The following C8orf88 variants were observed in gnomAD, a reference collection of about 807,000 sequenced individuals.
The protein encoded by C8orf88 is uncharacterized protein C8orf88.
C8orf88 carries 14 observed loss-of-function variants against 18.4 expected under a neutral mutation model. That is an observed-to-expected ratio of 0.76 (90% CI 0.50 to 1.19). C8orf88 has a LOEUF of 1.19. Among genes scored for constraint, C8orf88 ranks in the 50% most tolerant of loss-of-function variants. The pLI is 0.00. For missense variants in C8orf88, 116 were observed against 134.7 expected (o/e 0.86, Z 0.69); for synonymous variants, 45 against 42.9 (o/e 1.05, Z -0.19).
chr8:90,966,248 C>G (rs1045770794), intron 4 of C8orf88, among the ~76,000 whole-genome samples: 2 of 149,040 alleles, frequency 1.3e-5, no homozygotes. Flanking sequence ...TAAACTATCG[C>G]AAGAATAAAA....
At chr8:90,979,838 C>A (rs114494231) in intron 2 of C8orf88, among the ~76,000 whole-genome samples, 1 of 152,116 alleles carries the variant, frequency 6.6e-6, no homozygotes, top group Admixed American at 6.5e-5. Context: ...AAAAGAAAAA[C>A]ATTTTAGAAT....
rs77766687 is a variant in C8orf88 at position 90,978,731 on chromosome 8, C to G, written c.74-79G>C. On this transcript the variant is annotated intron_variant, in intron 2 of 5. Transcript: ENST00000517562. ...ATAATCAACTAAAAAGCTTAAGTAT[C>G]CAAGATATTCTTGGCACTGTTTTGA... The G allele has an allele frequency of 4.5e-3, 3,452 of 769,592 alleles. 21 individuals carry two copies. Among genetic ancestry groups the G allele is most frequent in the Admixed American group, 5.6e-3 (208 of 37,228 alleles). The allele number at this position is 769,592 out of a possible 1,614,324, so 47.7% of individuals were successfully genotyped here. A position where few individuals can be genotyped will look rare whatever the true frequency, so the allele number is the denominator to read the frequency against.
chr8:90,967,246 T>G (rs1811214227), intron 4 of C8orf88, among the ~76,000 whole-genome samples: 1 of 151,884 alleles, frequency 6.6e-6, no homozygotes, highest in African/African-American at 2.4e-5. Context: ...TGACTCACCC[T>G]TGCATTCTTG....
chr8:90,965,053 A>C (rs1207522572), intron 4 of C8orf88, among the ~76,000 whole-genome samples: 1 of 151,564 alleles, frequency 6.6e-6, no homozygotes, highest in Non-Finnish European at 1.5e-5. Flanking sequence ...TAAATGTACT[A>C]AACTTTTCAA....
intron 3 of C8orf88, among the ~76,000 whole-genome samples, chr8:90,972,920 C>CAT (rs1811303784): frequency 6.6e-6 from 1 of 152,128 alleles, no homozygotes; most frequent in African/African-American, 2.4e-5. Context: ...TATAATTTTT[C>CAT]AATCCTCTTC....
chr8:90,963,248 G>A (rs760756851), intron 4 of C8orf88, among the ~76,000 whole-genome samples: 1 of 151,616 alleles, frequency 6.6e-6, no homozygotes, highest in Non-Finnish European at 1.5e-5. Flanking sequence ...CCATGGTCAT[G>A]CATGACAAAG....
chr8:90,961,034 G>A (rs1462910477), intron 4 of C8orf88, among the ~76,000 whole-genome samples, 186 bp from the exon 5 acceptor site: 1 of 151,236 alleles, frequency 6.6e-6, no homozygotes, highest in Non-Finnish European at 1.5e-5. Flanking sequence ...CTTTTACATA[G>A]AAAGAAAACC....
chr8:90,959,846 A>C (rs1381155678), intron 5 of C8orf88, among the ~76,000 whole-genome samples: 1 of 151,298 alleles, frequency 6.6e-6, no homozygotes. Flanking sequence ...TATTTACGAA[A>C]ACTCTAATAG....
At chr8:90,971,784 C>T (rs926932521) in intron 3 of C8orf88, among the ~76,000 whole-genome samples, 1 of 151,816 alleles carries the variant, frequency 6.6e-6, no homozygotes, top group Non-Finnish European at 1.5e-5. Flanking sequence ...CCATTTTTAC[C>T]TAAATCTTTT....
rs75808145 is a variant in C8orf88, at chr8:90,980,657, T to C, written c.-26-196A>G. On this transcript the variant is annotated intron_variant, in intron 1 of 5. Transcript: ENST00000517562. ...TTGTCACAGTTAAACATTCCCTCTT[T>C]GAAACATTTTCTTTAACTTTACTGA... 6.3e-3 allele frequency among the ~76,000 whole-genome samples: 960 copies of C among 152,240 alleles called. 5 individuals carry two copies. Among genetic ancestry groups the C allele is most frequent in the Middle Eastern group, 0.014 (4 of 294 alleles).
intron 5 of C8orf88, among the ~76,000 whole-genome samples, chr8:90,960,508 T>A (rs1238915266): frequency 6.6e-6 from 1 of 151,414 alleles, no homozygotes; most frequent in East Asian, 1.9e-4. Context: ...GATAATATTT[T>A]CATGACCTTT....
intron 4 of C8orf88, among the ~76,000 whole-genome samples, chr8:90,969,389 A>G (rs1563553269): frequency 6.6e-6 from 1 of 151,924 alleles, no homozygotes. Flanking sequence ...TGTTCACAAG[A>G]GAAAGGTAAA....
intron 1 of C8orf88, among the ~76,000 whole-genome samples, chr8:90,980,738 G>A (rs564906807): frequency 1.3e-5 from 2 of 152,180 alleles, no homozygotes; most frequent in Non-Finnish European, 1.5e-5. Context: ...TGTCACCCAG[G>A]CTGGACTGCA....
At chr8:90,964,967 CA>C (rs544096538) in intron 4 of C8orf88, among the ~76,000 whole-genome samples, 136 of 150,836 alleles carry the variant, frequency 9.0e-4, no homozygotes, top group African/African-American at 2.7e-3. Context: ...AATTAAGTAA[CA>C]AAAAAAGACG....
At chr8:90,964,603 A>G (rs1431072910) in intron 4 of C8orf88, among the ~76,000 whole-genome samples, 1 of 151,734 alleles carries the variant, frequency 6.6e-6, no homozygotes, top group Non-Finnish European at 1.5e-5. Flanking sequence ...CTACACAGGT[A>G]AATATAAAAG....
intron 5 of C8orf88, 69 bp from the exon 6 acceptor site, chr8:90,959,099 A>G: frequency 1.4e-6 from 1 of 708,238 alleles, no homozygotes; most frequent in South Asian, 1.9e-5. Flanking sequence ...AGTTTATCAA[A>G]CCAAATACTG....
At chr8:90,961,784 A>C (rs1811131875) in intron 4 of C8orf88, among the ~76,000 whole-genome samples, 2 of 151,516 alleles carry the variant, frequency 1.3e-5, no homozygotes, top group African/African-American at 4.8e-5. Flanking sequence ...GATAATATAT[A>C]GATGAAGGGT....
At chr8:90,982,922 TA>T (rs1247221582) in intron 1 of C8orf88, among the ~76,000 whole-genome samples, 1 of 152,120 alleles carries the variant, frequency 6.6e-6, no homozygotes, top group Non-Finnish European at 1.5e-5. Flanking sequence ...GTCACGAGAT[TA>T]TAATTAAGGC....
intron 4 of C8orf88, among the ~76,000 whole-genome samples, chr8:90,968,416 T>C (rs1056086734): frequency 3.3e-5 from 5 of 151,326 alleles, no homozygotes; most frequent in African/African-American, 1.2e-4. Context: ...TCCCATCATA[T>C]ATAAAAATTA....
Sources: allele counts gnomAD v4.1 joint callset (sites outside exome capture counted in the v4.1 genomes callset), GRCh38; gene constraint gnomAD v4.1.1; transcripts MANE v1.5; gene names NCBI Gene and HGNC (gene_info 2026-07-23, HGNC 2026-07-21).